Variants in PDE8A observed in about 807,000 individuals in gnomAD.
PDE8A encodes phosphodiesterase 8A.
A neutral mutation model predicts 105.0 loss-of-function variants in PDE8A; 59 were observed. The observed-to-expected ratio is 0.56, with a 90% confidence interval of 0.46 to 0.70. The LOEUF (loss-of-function observed/expected upper bound fraction) is 0.70, where lower values mean the gene tolerates loss of function less well. Ranked by LOEUF, PDE8A falls within the 30% of genes least tolerant of loss-of-function variation. The pLI, the probability that PDE8A is intolerant of heterozygous loss-of-function variation, is 0.00. For synonymous variants in PDE8A, 355 were observed against 371.9 expected, an observed-to-expected ratio of 0.95 and a Z score of 0.52; for missense variants, 1,014 against 1,045.9, an observed-to-expected ratio of 0.97 and a Z score of 0.42.
intron 1 of PDE8A, among the ~76,000 whole-genome samples, chr15:85,048,370 A>C (rs370206493): frequency 1.3e-5 from 2 of 151,902 alleles, no homozygotes; most frequent in Admixed American, 1.3e-4. Context: ...TTTTTTATCT[A>C]TTTGATCCTT....
chr15:84,995,340 G>A (rs1472010928), intron 1 of PDE8A, among the ~76,000 whole-genome samples: 1 of 150,832 alleles, frequency 6.6e-6, no homozygotes, highest in African/African-American at 2.4e-5. Flanking sequence ...TCTGAGGCAG[G>A]GTCTCCCTCT....
intron 1 of PDE8A, among the ~76,000 whole-genome samples, chr15:84,984,979 G>A (rs918887087): frequency 3.9e-5 from 6 of 152,016 alleles, no homozygotes; most frequent in South Asian, 2.1e-4. Flanking sequence ...AGAGATATGC[G>A]GCCTATACTG....
rs2082259559 is a variant in PDE8A at position 85,126,392 on chromosome 15, T to C, written c.2253+18T>C. 1.3e-6 allele frequency: 2 copies of C among 1,525,890 alleles called. No individual in the cohort carries two copies. Among genetic ancestry groups the C allele is most frequent in the Non-Finnish European group, 1.8e-6 (2 of 1,127,936 alleles). The allele number at this position is 1,525,890 out of a possible 1,614,324, so 94.5% of individuals were successfully genotyped here. A position where few individuals can be genotyped will look rare whatever the true frequency, so the allele number is the denominator to read the frequency against. On this transcript the variant is annotated intron_variant, in intron 20 of 21. Coordinates refer to ENST00000394553, the MANE Select transcript of PDE8A (RefSeq NM_002605.3). ...TTTCTCAGGTAAGTTGCTGCCTCTT[T>C]TAAGTTTCTAGAGAGAGAGAGAGTT... is the stretch of plus-strand genomic sequence containing the variant.
chr15:85,064,603 T>C (rs577106212), intron 2 of PDE8A, among the ~76,000 whole-genome samples, 177 bp downstream of exon 2: 13 of 152,320 alleles, frequency 8.5e-5, no homozygotes, highest in African/African-American at 2.9e-4. Context: ...ATCCTGTTCT[T>C]AGAAATACAC....
chr15:85,008,918 G>A (rs2080193242), intron 1 of PDE8A, among the ~76,000 whole-genome samples: 1 of 152,174 alleles, frequency 6.6e-6, no homozygotes, highest in African/African-American at 2.4e-5. Flanking sequence ...GTAAGCCTGT[G>A]AGGCTTTCCA....
At chr15:85,072,867 C>T (rs977667644) in intron 3 of PDE8A, among the ~76,000 whole-genome samples, 1 of 152,192 alleles carries the variant, frequency 6.6e-6, no homozygotes, top group African/African-American at 2.4e-5. Flanking sequence ...AATCCCAGCA[C>T]TTTGGGAGGC....
chr15:85,128,839 T>C (rs887109359), intron 20 of PDE8A, among the ~76,000 whole-genome samples: 2 of 152,170 alleles, frequency 1.3e-5, no homozygotes, highest in African/African-American at 4.8e-5. Flanking sequence ...GAAATACCAC[T>C]ACACACCCAA....
At chr15:85,105,026 GAGA>G (rs1284163381) in intron 11 of PDE8A, among the ~76,000 whole-genome samples, 5 of 152,076 alleles carry the variant, frequency 3.3e-5, no homozygotes, top group Admixed American at 6.6e-5. Flanking sequence ...AAGTTCTGTG[GAGA>G]AGAATAAAGC....
chr15:85,023,005 T>C (rs997388241), intron 1 of PDE8A, among the ~76,000 whole-genome samples: 2 of 152,112 alleles, frequency 1.3e-5, no homozygotes. Context: ...CCTGAAAAGG[T>C]AGACCTAGGT....
intron 1 of PDE8A, among the ~76,000 whole-genome samples, chr15:85,040,913 C>T (rs1449968825): frequency 4.0e-5 from 6 of 149,512 alleles, no homozygotes; most frequent in Non-Finnish European, 8.9e-5. Flanking sequence ...ATCTCATTGT[C>T]TTTATTTTTT....
In PDE8A at chr15:85,075,727, G is replaced by A. The variant is rs2081371015; in HGVS notation, c.435-135G>A. On this transcript the variant is annotated intron_variant, in intron 3 of 21. Transcript: ENST00000394553. ...AGATCAAGTAGTCAAGAAGGTGAGTGAATTCAGAGAGTGAGGGGATCATTT... is the reference window on the plus strand; with the variant it reads ...AGATCAAGTAGTCAAGAAGGTGAGTAAATTCAGAGAGTGAGGGGATCATTT... 6 of 551,130 alleles carry A rather than the reference G, an allele frequency of 1.1e-5. No individual in the cohort carries two copies. The Admixed American group carries it at 2.1e-4, about 19-fold the overall frequency. 34.1% of individuals were successfully genotyped at this position (551,130 alleles called of 1,614,324 possible). A position where few individuals can be genotyped will look rare whatever the true frequency, so the allele number is the denominator to read the frequency against.
chr15:85,093,298 A>G (rs535447394), intron 8 of PDE8A, among the ~76,000 whole-genome samples: 5 of 152,272 alleles, frequency 3.3e-5, no homozygotes, highest in Non-Finnish European at 4.4e-5. Context: ...TTTGTCAGGA[A>G]CCTGCTGGTC....
intron 3 of PDE8A, among the ~76,000 whole-genome samples, chr15:85,071,751 A>T (rs185506744): frequency 1.3e-5 from 2 of 152,338 alleles, no homozygotes; most frequent in African/African-American, 4.8e-5. Context: ...CTTTGTTGGC[A>T]AACTCTTAGC....
chr15:85,034,748 A>C (rs557794582), intron 1 of PDE8A, among the ~76,000 whole-genome samples: 9 of 152,278 alleles, frequency 5.9e-5, no homozygotes, highest in African/African-American at 1.7e-4. Context: ...GGGTCTCACT[A>C]TGTTGCCTAG....
intron 1 of PDE8A, among the ~76,000 whole-genome samples, chr15:85,017,129 C>G (rs371384043): frequency 6.6e-6 from 1 of 151,338 alleles, no homozygotes; most frequent in African/African-American, 2.4e-5. Flanking sequence ...GGCGCGGTGG[C>G]GGGCGCCTGT....
chr15:85,108,592 C>T (rs945455214), intron 11 of PDE8A, among the ~76,000 whole-genome samples: 3 of 152,106 alleles, frequency 2.0e-5, no homozygotes, highest in African/African-American at 7.2e-5. Flanking sequence ...TGAAATATAC[C>T]TCAAACAGTG....
At chr15:85,085,247 G>A (rs1430898600) in intron 6 of PDE8A, among the ~76,000 whole-genome samples, 1 of 152,146 alleles carries the variant, frequency 6.6e-6, no homozygotes, top group African/African-American at 2.4e-5. Flanking sequence ...GCCAAATTAT[G>A]ATGTCCATTA....
intron 1 of PDE8A, among the ~76,000 whole-genome samples, chr15:85,054,774 T>C (rs1412225766): frequency 6.6e-6 from 1 of 152,216 alleles, no homozygotes; most frequent in Non-Finnish European, 1.5e-5. Context: ...CCTGGATTCA[T>C]TGATTTTTTG....
chr15:85,069,337 C>G (rs1001456617), intron 3 of PDE8A, among the ~76,000 whole-genome samples: 1 of 152,220 alleles, frequency 6.6e-6, no homozygotes, highest in African/African-American at 2.4e-5. Flanking sequence ...TCCTCAGGAC[C>G]TGGGGCTCAC....
Sources: allele counts gnomAD v4.1 joint callset (sites outside exome capture counted in the v4.1 genomes callset), GRCh38; gene constraint gnomAD v4.1.1; transcripts MANE v1.5; gene names NCBI Gene and HGNC (gene_info 2026-07-23, HGNC 2026-07-21).